Variants in C12orf76 observed in about 807,000 individuals in gnomAD.
C12orf76 encodes chromosome 12 open reading frame 76, also known as uncharacterized protein C12orf76.
A neutral mutation model predicts 6.8 loss-of-function variants in C12orf76; 6 were observed. That is an observed-to-expected ratio of 0.88 (90% CI 0.48 to 1.73). The LOEUF (loss-of-function observed/expected upper bound fraction) is 1.73. Among genes scored for constraint, C12orf76 ranks in the 40% most tolerant of loss-of-function variants. The pLI, the probability that C12orf76 is intolerant of heterozygous loss-of-function variation, is 0.01. For missense variants in C12orf76, 99 were observed against 98.2 expected, an observed-to-expected ratio of 1.01 and a Z score of -0.03; for synonymous variants, 56 against 43.7, an observed-to-expected ratio of 1.28 and a Z score of -1.11.
intron 3 of C12orf76, among the ~76,000 whole-genome samples, chr12:110,058,731 C>T: frequency 6.6e-6 from 1 of 152,182 alleles, no homozygotes; most frequent in African/African-American, 2.4e-5. Flanking sequence ...AGAATACAGG[C>T]AGTTCCATAT....
chr12:110,049,928 A>G (rs566945783), upstream of C12orf76: 1 of 152,332 alleles, frequency 6.6e-6, no homozygotes, highest in East Asian at 1.9e-4. Flanking sequence ...CTACTTGCTC[A>G]AATCAATCAC....
chr12:110,051,900 T>A (rs989691314), upstream of C12orf76, among the ~76,000 whole-genome samples: 6 of 145,856 alleles, frequency 4.1e-5, no homozygotes, highest in Non-Finnish European at 7.5e-5. Flanking sequence ...AAATGGCAGC[T>A]ACTCTTTTTT....
chr12:110,057,731 T>C (rs1012626978), intron 3 of C12orf76, among the ~76,000 whole-genome samples: 3 of 152,024 alleles, frequency 2.0e-5, no homozygotes, highest in Non-Finnish European at 4.4e-5. Context: ...AAAGTCAGTC[T>C]AACAGGGTAA....
At chr12:110,060,644 T>C (rs1333139502) in intron 2 of C12orf76, among the ~76,000 whole-genome samples, 1 of 152,178 alleles carries the variant, frequency 6.6e-6, no homozygotes, top group Non-Finnish European at 1.5e-5. Flanking sequence ...CGGGGTCGGT[T>C]CTAGGCCCTC....
chr12:110,060,334 T>C (rs1347958320), intron 2 of C12orf76, among the ~76,000 whole-genome samples: 1 of 152,140 alleles, frequency 6.6e-6, no homozygotes, highest in East Asian at 1.9e-4. Context: ...TTTCTGCATC[T>C]CCATTCACTC....
At chr12:110,062,717 T>G (rs534243542) in intron 2 of C12orf76, among the ~76,000 whole-genome samples, 2 of 148,428 alleles carry the variant, frequency 1.3e-5, no homozygotes, top group South Asian at 4.3e-4. Context: ...CTTCCCAGGA[T>G]CAAGCGATCC....
chr12:110,042,150 C>A lies in C12orf76; in HGVS notation c.*224G>T, dbSNP rs1377127007. 1 of 572,702 alleles carries A rather than the reference C, an allele frequency of 1.7e-6. No homozygotes were observed. Among genetic ancestry groups the A allele is most frequent in the African/African-American group, 1.9e-5 (1 of 53,440 alleles). 35.5% of individuals were successfully genotyped at this position (572,702 alleles called of 1,614,324 possible). On this transcript the variant is annotated 3_prime_UTR_variant, in exon 2 of 2. Coordinates refer to ENST00000615315, the MANE Select transcript of C12orf76 (RefSeq NM_001389625.1). ...AGGTCTTACTTTTAACAAGTACAGT[C>A]AGAAACACTGAGAAGCGGACTCAGG...
At chr12:110,045,528 G>C (rs1360058362) in intron 1 of C12orf76, among the ~76,000 whole-genome samples, 1 of 152,130 alleles carries the variant, frequency 6.6e-6, no homozygotes, top group Non-Finnish European at 1.5e-5. Context: ...GGGGGTTGCA[G>C]TGAGCCAAGA....
chr12:110,073,439 G>A lies in C12orf76; in HGVS notation n.196C>T, dbSNP rs553383745. 43 of 522,978 alleles carry A rather than the reference G, an allele frequency of 8.2e-5. No homozygotes were observed. The East Asian group carries it at 2.2e-3, about 26-fold the overall frequency. The allele number at this position is 522,978 out of a possible 1,614,324, so 32.4% of individuals were successfully genotyped here. A position where few individuals can be genotyped will look rare whatever the true frequency, so the allele number is the denominator to read the frequency against. On this transcript the variant is annotated non_coding_transcript_exon_variant, in exon 1 of 2. Transcript: ENST00000548936. ...CCACTTACCTAACATAGGAAAAGAC[G>A]ATCACGTGGAAGAACTTAATGGTGC...
upstream of C12orf76, among the ~76,000 whole-genome samples, chr12:110,068,329 A>AAGAGGAAGG (rs1157443112): frequency 7.9e-6 from 1 of 127,112 alleles, no homozygotes; most frequent in African/African-American, 2.8e-5. Flanking sequence ...GAAGAAGAAG[A>AAGAGGAAGG]AGGCGGCCAA....
At chr12:110,046,920 C>T (rs976756486) in intron 1 of C12orf76, among the ~76,000 whole-genome samples, 4 of 152,128 alleles carry the variant, frequency 2.6e-5, no homozygotes, top group African/African-American at 7.2e-5. Flanking sequence ...CACTGCCCCT[C>T]GCCCCCTGAA....
upstream of C12orf76, chr12:110,049,163 G>T (rs1389525474): frequency 6.6e-6 from 1 of 152,222 alleles, no homozygotes; most frequent in Non-Finnish European, 1.5e-5. Context: ...GGGAGAGAGA[G>T]ACCCTCTCAT....
chr12:110,056,084 A>T (rs1189793717), intron 4 of C12orf76, among the ~76,000 whole-genome samples: 3 of 151,898 alleles, frequency 2.0e-5, no homozygotes, highest in African/African-American at 7.3e-5. Flanking sequence ...AAAAAAAAAA[A>T]AAAAGTTTCA....
chr12:110,048,638 G>T, upstream of C12orf76: 4 of 1,289,144 alleles, frequency 3.1e-6, no homozygotes, highest in Non-Finnish European at 3.9e-6. Flanking sequence ...TCTAAGTTCC[G>T]CTTCTGCCTA....
At chr12:110,048,285 G>C in intron 1 of C12orf76, 78 bp downstream of exon 1, 1 of 1,424,280 alleles carries the variant, frequency 7.0e-7, no homozygotes. Flanking sequence ...TGTCCGCTCC[G>C]TACATGCCCG....
At chr12:110,071,433 AGATTATTTTAAAAAATG>A (rs533977190), upstream of C12orf76, among the ~76,000 whole-genome samples, 171 of 152,252 alleles carry the variant, frequency 1.1e-3, 3 homozygotes, top group African/African-American at 3.9e-3. Context: ...ACATTCAAAA[AGATTATTTTAAAAAATG>A]GATTCCAGTT....
rs574365401 is a variant in C12orf76 at position 110,046,419 on chromosome 12, T to C, written c.133+1944A>G. Among the ~76,000 whole-genome samples, 32 of 152,228 alleles carry C rather than the reference T, an allele frequency of 2.1e-4. 1 individual carries two copies. The East Asian group carries it at 6.2e-3, about 29-fold the overall frequency. On this transcript the variant is annotated intron_variant, in intron 1 of 1. Coordinates refer to ENST00000615315, the MANE Select transcript of C12orf76 (RefSeq NM_001389625.1). Reference sequence around the variant, plus strand: ...CCAGCCTTGGCAACAAGAGCAAAACTCCATCTCAAAAAAATAAATAAATAC... The same window carrying C: ...CCAGCCTTGGCAACAAGAGCAAAACCCCATCTCAAAAAAATAAATAAATAC...
chr12:110,050,433 G>A (rs1246308047), upstream of C12orf76: 1 of 154,464 alleles, frequency 6.5e-6, no homozygotes, highest in Non-Finnish European at 1.4e-5. Flanking sequence ...TTCCCAGACG[G>A]TTAAGGCATT....
rs553515610 is a variant in C12orf76 at position 110,058,462 on chromosome 12, A to G, written n.556+526T>C. ...GCAGATCACTTGAGGCCAGGAGTTC[A>G]AGACCAGGCTGGCCAACATGGCGGA... On this transcript the variant is annotated intron_variant and non_coding_transcript_variant, in intron 3 of 4. Coordinates refer to the C12orf76 transcript ENST00000309050. 2.0e-5 allele frequency among the ~76,000 whole-genome samples: 3 copies of G among 152,234 alleles called. No individual in the cohort carries two copies. The East Asian group carries it at 5.8e-4, about 29-fold the overall frequency.
Sources: allele counts gnomAD v4.1 joint callset (sites outside exome capture counted in the v4.1 genomes callset), GRCh38; gene constraint gnomAD v4.1.1; transcripts MANE v1.5; gene names NCBI Gene and HGNC (gene_info 2026-07-23, HGNC 2026-07-21).